The following GNAO1 variants were observed in gnomAD, a reference collection of about 807,000 sequenced individuals.
The protein encoded by GNAO1 is guanine nucleotide-binding protein G(o) subunit alpha.
For synonymous variants in GNAO1, 164 were observed against 180.7 expected, an observed-to-expected ratio of 0.91 and a Z score of 0.74; for missense variants, 166 against 478.7, an observed-to-expected ratio of 0.35 and a Z score of 6.10.
chr16:56,246,460 C>T (rs2036745004), intron 2 of GNAO1, among the ~76,000 whole-genome samples: 1 of 152,182 alleles, frequency 6.6e-6, no homozygotes, highest in South Asian at 2.1e-4. Flanking sequence ...ACTCTGGCCC[C>T]ACCATCGCCC....
intron 6 of GNAO1, chr16:56,345,106 T>C (rs1349945557): frequency 2.0e-6 from 2 of 985,462 alleles, no homozygotes; most frequent in South Asian, 4.7e-5. Flanking sequence ...AGAGGAGGCT[T>C]CACTGCGGAG....
intron 2 of GNAO1, among the ~76,000 whole-genome samples, chr16:56,275,391 G>A (rs1324687051): frequency 6.6e-6 from 1 of 152,152 alleles, no homozygotes; most frequent in African/African-American, 2.4e-5. Context: ...CCTAGCCAAG[G>A]ATGAAAAAGT....
Position 56,213,705 on chromosome 16 carries a change from G to A in GNAO1, c.161+21089G>A, listed in dbSNP as rs188589775. ...AAATTGGAGAAAAGCCTTGATGGAG[G>A]TGAAGGAGCCAGCCATGTGCACTTG... On this transcript the variant is annotated intron_variant, in intron 2 of 8. Transcript: ENST00000262493. Among the ~76,000 whole-genome samples, 36 of 152,292 alleles carry A rather than the reference G, an allele frequency of 2.4e-4. 1 individual carries two copies. The highest frequency in any genetic ancestry group is 8.7e-4 in the African/African-American group (36 of 41,554).
chr16:56,277,911 C>G (rs181288867), intron 3 of GNAO1, among the ~76,000 whole-genome samples: 1 of 152,136 alleles, frequency 6.6e-6, no homozygotes, highest in East Asian at 1.9e-4. Context: ...ATCTCCTATA[C>G]TGATTATAAC....
At chr16:56,297,396 C>A (rs2037297362) in intron 3 of GNAO1, among the ~76,000 whole-genome samples, 1 of 152,092 alleles carries the variant, frequency 6.6e-6, no homozygotes. Flanking sequence ...CAGCATCACA[C>A]AGCTGGGAGT....
rs148650019 is a variant in GNAO1 at position 56,354,909 on chromosome 16, A to G, written c.921A>G (p.Gln307=). 6.5e-4 allele frequency: 1,044 copies of G among 1,613,632 alleles called. 4 individuals carry two copies. In the African/African-American group the frequency reaches 0.013, roughly 19 times the overall value. ...YEDAAAYIQA[Q]FESKNRSPNK... The stretch of plus-strand genomic sequence containing the variant: ...ACGCAGCCGCCTACATCCAAGCACA[A>G]TTTGAAAGCAAAAACCGCTCACCCA... Residue 307 remains glutamine, a synonymous_variant, in exon 8 of 9, where the codon CAA becomes CAG. Coordinates refer to ENST00000262493, the MANE Select transcript of GNAO1 (RefSeq NM_020988.3). The surrounding 1 kb of genome is among the most constrained non-coding windows in gnomAD (Gnocchi z 4.3).
At chr16:56,255,156 T>C (rs1463666853) in intron 2 of GNAO1, among the ~76,000 whole-genome samples, 1 of 152,238 alleles carries the variant, frequency 6.6e-6, no homozygotes, top group Admixed American at 6.5e-5. Flanking sequence ...TTCAGAGTCC[T>C]TCTTTAGCAG....
chr16:56,198,811 C>T lies in GNAO1; in HGVS notation c.161+6195C>T, dbSNP rs183613803. Among the ~76,000 whole-genome samples, 6 of 152,226 alleles carry T rather than the reference C, an allele frequency of 3.9e-5. No individual in the cohort carries two copies. In the South Asian group the frequency reaches 1.0e-3, roughly 26 times the overall value. On this transcript the variant is annotated intron_variant, in intron 2 of 8. Transcript: ENST00000262493. ...AAGTAAGTATGTGGGACTTAGCCAC[C>T]CTGAGAAGCAGAAGGGGGGTGCTGT...
At chr16:56,279,227 G>A (rs1156533920) in intron 3 of GNAO1, among the ~76,000 whole-genome samples, 2 of 152,156 alleles carry the variant, frequency 1.3e-5, no homozygotes, top group African/African-American at 4.8e-5. Flanking sequence ...AGGTGTCCCT[G>A]AGTTCCCCCG....
intron 6 of GNAO1, among the ~76,000 whole-genome samples, chr16:56,348,634 G>A (rs1200882482): frequency 2.6e-5 from 4 of 152,276 alleles, no homozygotes; most frequent in Non-Finnish European, 4.4e-5. Context: ...AATGTACCCC[G>A]GCGTCTGCTT....
intron 2 of GNAO1, among the ~76,000 whole-genome samples, chr16:56,273,708 T>C (rs552566686): frequency 6.6e-6 from 1 of 152,366 alleles, no homozygotes; most frequent in African/African-American, 2.4e-5. Flanking sequence ...AACTTTGTTT[T>C]TAAGCTTCAT....
intron 2 of GNAO1, among the ~76,000 whole-genome samples, chr16:56,206,186 G>T (rs367897833): frequency 6.6e-6 from 1 of 152,076 alleles, no homozygotes; most frequent in Non-Finnish European, 1.5e-5. Flanking sequence ...TGGGCATGGT[G>T]GTGGGCGACT....
At chr16:56,212,792 T>C (rs1354483666) in intron 2 of GNAO1, among the ~76,000 whole-genome samples, 4 of 152,246 alleles carry the variant, frequency 2.6e-5, no homozygotes, top group Non-Finnish European at 5.9e-5. Flanking sequence ...TTGTCCTTCC[T>C]GGCTCCTGGT....
chr16:56,202,821 TCATTTATC>T (rs2036292475), intron 2 of GNAO1, among the ~76,000 whole-genome samples: 1 of 152,250 alleles, frequency 6.6e-6, no homozygotes, highest in Admixed American at 6.5e-5. Context: ...ACTCATTTAT[TCATTTATC>T]TAATATTTGT....
intron 2 of GNAO1, among the ~76,000 whole-genome samples, chr16:56,274,905 C>T (rs1275870646): frequency 6.6e-6 from 1 of 152,032 alleles, no homozygotes; most frequent in East Asian, 1.9e-4. Context: ...TAGGTAGAGT[C>T]TATATATGAA....
chr16:56,292,509 A>G (rs780606974), intron 3 of GNAO1, among the ~76,000 whole-genome samples: 2 of 152,094 alleles, frequency 1.3e-5, no homozygotes, highest in Non-Finnish European at 2.9e-5. Context: ...CTACAGGCAC[A>G]TATCACCATA....
chr16:56,282,124 C>T (rs1212644719), intron 3 of GNAO1, among the ~76,000 whole-genome samples: 1 of 145,974 alleles, frequency 6.9e-6, no homozygotes. Flanking sequence ...GTTCCTCTAG[C>T]ACAATGCCTA....
At chr16:56,216,441 G>A (rs1430650561) in intron 2 of GNAO1, among the ~76,000 whole-genome samples, 1 of 152,166 alleles carries the variant, frequency 6.6e-6, no homozygotes, top group African/African-American at 2.4e-5. Flanking sequence ...CTTAGGCATT[G>A]GCCATCCATG....
In GNAO1 at chr16:56,351,334, G is replaced by GT; in HGVS notation, c.724-49dup. On this transcript the variant is annotated intron_variant, in intron 6 of 8. Coordinates refer to ENST00000262493, the MANE Select transcript of GNAO1 (RefSeq NM_020988.3). The surrounding 1 kb of genome is among the most constrained non-coding windows in gnomAD (Gnocchi z 6.1). The stretch of plus-strand genomic sequence containing the variant: ...TCTCTCCTTCTCTTTCCCTGTCTCT[G>GT]TGTCTCCCTCCCGCTGTCTGTCCTC... 1.4e-6 allele frequency: 2 copies of GT among 1,402,138 alleles called. No individual in the cohort carries two copies. Among genetic ancestry groups the GT allele is most frequent in the Non-Finnish European group, 2.0e-6 (2 of 995,086 alleles). The allele number at this position is 1,402,138 out of a possible 1,614,324, so 86.9% of individuals were successfully genotyped here.
Sources: allele counts gnomAD v4.1 joint callset (sites outside exome capture counted in the v4.1 genomes callset), GRCh38; gene constraint gnomAD v4.1.1; non-coding constraint Gnocchi (gnomAD v3.1); transcripts MANE v1.5; gene names NCBI Gene and HGNC (gene_info 2026-07-23, HGNC 2026-07-21).